The following DPP6 variants were observed in gnomAD, a reference collection of about 807,000 sequenced individuals.
DPP6 encodes dipeptidyl peptidase like 6, also known as A-type potassium channel modulatory protein DPP6.
A neutral mutation model predicts 122.6 loss-of-function variants in DPP6; 69 were observed. That is an observed-to-expected ratio of 0.56 (90% CI 0.46 to 0.69). The LOEUF (loss-of-function observed/expected upper bound fraction) is 0.69, where lower values mean the gene tolerates loss of function less well. DPP6 is among the 30% of genes least tolerant of loss of function. DPP6 has a pLI of 0.00. For synonymous variants in DPP6, 418 were observed against 433.1 expected, an observed-to-expected ratio of 0.97 and a Z score of 0.43; for missense variants, 928 against 1,116.9, an observed-to-expected ratio of 0.83 and a Z score of 2.41.
the DPP6 span, among the ~76,000 whole-genome samples, chr7:153,767,116 AG>A: frequency 2.0e-5 from 1 of 50,936 alleles, no homozygotes; most frequent in East Asian, 3.1e-4. Flanking sequence ...GAAGGAAGTC[AG>A]GGGTGAAAAG....
At chr7:154,612,211 G>A (rs1283492588) in intron 5 of DPP6, among the ~76,000 whole-genome samples, 2 of 152,072 alleles carry the variant, frequency 1.3e-5, no homozygotes, top group Non-Finnish European at 2.9e-5. Flanking sequence ...CTGAGACTGT[G>A]ATATCCTGTT....
intron 22 of DPP6, among the ~76,000 whole-genome samples, chr7:154,886,324 A>T (rs1458700762): frequency 6.6e-6 from 1 of 152,200 alleles, no homozygotes; most frequent in East Asian, 1.9e-4. Flanking sequence ...CTCCATGAGC[A>T]CAAGGCAGAG....
chr7:154,837,324 C>T (rs1256347689), intron 16 of DPP6, among the ~76,000 whole-genome samples: 1 of 151,524 alleles, frequency 6.6e-6, no homozygotes, highest in Admixed American at 6.5e-5. Context: ...AACACATGCA[C>T]ACACATGCAT....
At chr7:153,783,511 A>G in the DPP6 span, among the ~76,000 whole-genome samples, 4 of 152,224 alleles carry the variant, frequency 2.6e-5, no homozygotes, top group East Asian at 7.7e-4. Context: ...GTGGGGACAG[A>G]GCCAAAGCAT....
chr7:153,775,039 C>T, the DPP6 span, among the ~76,000 whole-genome samples: 2 of 150,202 alleles, frequency 1.3e-5, no homozygotes, highest in African/African-American at 4.9e-5. Context: ...TAGAACACTT[C>T]TCAACTCAAT....
At chr7:154,853,672 G>A in intron 16 of DPP6, 108 bp from the exon 17 acceptor site, 1 of 1,471,806 alleles carries the variant, frequency 6.8e-7, no homozygotes. Flanking sequence ...GGTTCTCCAG[G>A]CTCCGCACGT....
At chr7:154,811,368 G>A (rs1799049806) in intron 16 of DPP6, among the ~76,000 whole-genome samples, 1 of 152,184 alleles carries the variant, frequency 6.6e-6, no homozygotes. Context: ...GCAGGCATTG[G>A]CGATGATTGC....
intron 7 of DPP6, among the ~76,000 whole-genome samples, chr7:154,716,115 G>A (rs1299816641): frequency 6.6e-6 from 1 of 151,850 alleles, no homozygotes; most frequent in Non-Finnish European, 1.5e-5. Flanking sequence ...CTATTTCTTA[G>A]GCCTCCCCAC....
At chr7:154,126,585 C>G (rs1271896619) in intron 1 of DPP6, among the ~76,000 whole-genome samples, 2 of 151,458 alleles carry the variant, frequency 1.3e-5, no homozygotes, top group Non-Finnish European at 2.9e-5. Flanking sequence ...ATGGGTGTAG[C>G]TTTCAGGAGT....
rs543940567 is a variant in DPP6 at position 154,734,530 on chromosome 7, G to A, written c.883+6643G>A. Among the ~76,000 whole-genome samples, 92 of 152,286 alleles carry A rather than the reference G, an allele frequency of 6.0e-4. 2 individuals carry two copies. In the South Asian group the frequency reaches 0.019, roughly 31 times the overall value. Reference sequence around the variant, plus strand: ...AAGTTATGGAGCAGGCAGTACAATGGGAATTGGAATGATGTTCAAATATGT... The same window carrying A: ...AAGTTATGGAGCAGGCAGTACAATGAGAATTGGAATGATGTTCAAATATGT... On this transcript the variant is annotated intron_variant, in intron 8 of 25. Coordinates refer to ENST00000377770, the MANE Select transcript of DPP6 (RefSeq NM_130797.4).
chr7:153,823,714 G>A, the DPP6 span, among the ~76,000 whole-genome samples: 3 of 151,948 alleles, frequency 2.0e-5, no homozygotes, highest in East Asian at 1.9e-4. Context: ...CTTGATTGTC[G>A]TAGCCGTTAC....
At chr7:154,553,745 G>T (rs929098129) in intron 4 of DPP6, among the ~76,000 whole-genome samples, 2 of 151,960 alleles carry the variant, frequency 1.3e-5, no homozygotes, top group African/African-American at 4.8e-5. Flanking sequence ...GGCTGAGGCC[G>T]CCATTCCATT....
chr7:154,162,976 G>A (rs1346323863), intron 1 of DPP6, among the ~76,000 whole-genome samples: 1 of 149,932 alleles, frequency 6.7e-6, no homozygotes, highest in Non-Finnish European at 1.5e-5. Flanking sequence ...CAGAATCTGT[G>A]CATCGCTAGG....
intron 1 of DPP6, among the ~76,000 whole-genome samples, chr7:153,892,919 A>G (rs1329305023): frequency 1.3e-5 from 2 of 152,102 alleles, no homozygotes; most frequent in East Asian, 1.9e-4. Context: ...CACCCTTATA[A>G]CTAGACGTTT....
chr7:154,665,635 G>A (rs553217487), intron 6 of DPP6, among the ~76,000 whole-genome samples: 3 of 152,014 alleles, frequency 2.0e-5, no homozygotes, highest in South Asian at 4.2e-4. Context: ...CAAGATCTGG[G>A]TGCTAACTGT....
At chr7:154,276,554 A>G (rs1018748096) in intron 1 of DPP6, among the ~76,000 whole-genome samples, 1 of 152,262 alleles carries the variant, frequency 6.6e-6, no homozygotes, top group African/African-American at 2.4e-5. Flanking sequence ...ATGGGAAATT[A>G]AGAGTGTTAT....
intron 7 of DPP6, among the ~76,000 whole-genome samples, chr7:154,681,428 G>A (rs1839272008): frequency 6.6e-6 from 1 of 152,226 alleles, no homozygotes; most frequent in Admixed American, 6.5e-5. Flanking sequence ...AGATTCTTGA[G>A]AGAATATAAC....
chr7:153,835,844 C>T, the DPP6 span, among the ~76,000 whole-genome samples: 1 of 152,156 alleles, frequency 6.6e-6, no homozygotes, highest in East Asian at 1.9e-4. Flanking sequence ...AACTGCACTT[C>T]CAGTTCACTG....
chr7:154,674,680 A>T (rs1024796168), intron 7 of DPP6, among the ~76,000 whole-genome samples: 1 of 152,220 alleles, frequency 6.6e-6, no homozygotes, highest in Non-Finnish European at 1.5e-5. Context: ...TAATGAGTCC[A>T]TTGGGAAGTC....
Sources: allele counts gnomAD v4.1 joint callset (sites outside exome capture counted in the v4.1 genomes callset), GRCh38; gene constraint gnomAD v4.1.1; transcripts MANE v1.5; gene names NCBI Gene and HGNC (gene_info 2026-07-23, HGNC 2026-07-21).